The following PLEKHG1 variants were observed in gnomAD, a reference collection of about 807,000 sequenced individuals.
The protein encoded by PLEKHG1 is pleckstrin homology domain-containing family G member 1.
In PLEKHG1, 44 loss-of-function variants were observed where a neutral mutation model predicts 100.8. That is an observed-to-expected ratio of 0.44 (90% CI 0.34 to 0.56). The LOEUF (loss-of-function observed/expected upper bound fraction) is 0.56, where lower values mean the gene tolerates loss of function less well. Among genes scored for constraint, PLEKHG1 ranks in the 20% least tolerant of loss-of-function variants. The pLI is 0.01. For synonymous variants in PLEKHG1, 640 were observed against 662.5 expected (o/e 0.97, Z 0.52); for missense variants, 1,545 against 1,720.9 (o/e 0.90, Z 1.81).
chr6:150,808,890 C>G (rs1334545146), intron 7 of PLEKHG1, among the ~76,000 whole-genome samples: 2 of 152,210 alleles, frequency 1.3e-5, no homozygotes, highest in Non-Finnish European at 1.5e-5. Flanking sequence ...TAATTAGCAG[C>G]TTGTCAGCTA....
At chr6:150,824,028 C>A (rs1241493106) in intron 14 of PLEKHG1, among the ~76,000 whole-genome samples, 1 of 152,198 alleles carries the variant, frequency 6.6e-6, no homozygotes, top group Non-Finnish European at 1.5e-5. Flanking sequence ...CAGTGTAAGA[C>A]CAATGCCCCT....
intron 3 of PLEKHG1, among the ~76,000 whole-genome samples, chr6:150,685,416 C>T (rs1780086400): frequency 6.6e-6 from 1 of 152,254 alleles, no homozygotes; most frequent in Admixed American, 6.5e-5. Context: ...AGGAGCTTCC[C>T]GTGGAAAAGA....
At chr6:150,803,700 C>G (rs1263491464) in intron 6 of PLEKHG1, among the ~76,000 whole-genome samples, 1 of 152,154 alleles carries the variant, frequency 6.6e-6, no homozygotes, top group African/African-American at 2.4e-5. Flanking sequence ...TTCATTTGGC[C>G]TTTAAAACCT....
rs531562020 is a variant in PLEKHG1, at chr6:150,684,178, G to A, written c.-99+33392G>A. On this transcript the variant is annotated intron_variant, in intron 3 of 3. Coordinates refer to the PLEKHG1 transcript ENST00000367326. Reference sequence around the variant, plus strand: ...CAGGCTGACAATGTAAGCAAATGTGGAAAGCGTTAGAAAATGCAGGCTCCC... The same window carrying A: ...CAGGCTGACAATGTAAGCAAATGTGAAAAGCGTTAGAAAATGCAGGCTCCC... 1.2e-4 allele frequency among the ~76,000 whole-genome samples: 19 copies of A among 152,304 alleles called. No individual in the cohort carries two copies. In the South Asian group the frequency reaches 3.3e-3, roughly 27 times the overall value.
chr6:150,650,557 G>A (rs956511552), intron 2 of PLEKHG1, among the ~76,000 whole-genome samples, 171 bp from the exon 2 acceptor site: 2 of 152,314 alleles, frequency 1.3e-5, no homozygotes, highest in Middle Eastern at 3.4e-3. Flanking sequence ...GCCTATTACA[G>A]TCCAGTAGCA....
chr6:150,840,293 C>T, exon 16 of PLEKHG1: 1 of 1,614,164 alleles, frequency 6.2e-7, no homozygotes, highest in Non-Finnish European at 8.5e-7. Context: ...AGTCATCTTC[C>T]TCCGTCTTGA....
chr6:150,795,851 T>G lies in PLEKHG1; in HGVS notation c.583-5T>G. The G allele has an allele frequency of 6.3e-7, 1 of 1,589,276 alleles. No homozygotes were observed. Among genetic ancestry groups the G allele is most frequent in the Non-Finnish European group, 8.6e-7 (1 of 1,158,358 alleles). ...CCTATAAAAATTTCTTTTGTTTCCT[T>G]GCAGAGTGAAGAGTTCCACATTTAT... is the stretch of plus-strand genomic sequence containing the variant. On this transcript the variant is annotated splice_region_variant and splice_polypyrimidine_tract_variant and intron_variant, in intron 4 of 15. Transcript: ENST00000358517.
chr6:150,655,602 G>A (rs545226418), intron 3 of PLEKHG1, among the ~76,000 whole-genome samples: 1 of 151,780 alleles, frequency 6.6e-6, no homozygotes, highest in Admixed American at 6.6e-5. Flanking sequence ...CAGCTACTCG[G>A]GAGGCTGAGG....
intron 1 of PLEKHG1, among the ~76,000 whole-genome samples, chr6:150,725,766 T>C (rs75577875): frequency 1.0e-4 from 14 of 139,978 alleles, no homozygotes; most frequent in East Asian, 4.6e-4. Context: ...GTTTTTTTTT[T>C]CTTTTTTTTT....
intron 1 of PLEKHG1, among the ~76,000 whole-genome samples, chr6:150,722,990 A>T (rs1435907004): frequency 6.6e-6 from 1 of 151,852 alleles, no homozygotes; most frequent in East Asian, 1.9e-4. Context: ...CCTTTGAAAA[A>T]CTCGGTGATA....
intron 3 of PLEKHG1, among the ~76,000 whole-genome samples, chr6:150,676,855 G>T (rs902095961): frequency 4.6e-5 from 7 of 152,270 alleles, no homozygotes; most frequent in East Asian, 1.9e-4. Flanking sequence ...TACCCTGGGA[G>T]TGAATGGCAA....
In PLEKHG1 at chr6:150,831,203, G is replaced by A. The variant is rs1562562395; in HGVS notation, c.2092G>A (p.Glu698Lys). ...CTCCGTTCGCCCCAAGAGCACCCCA[G>A]AGTTAGCCTTCACAAAGAGGCAAGC... Residue 698 changes from glutamate (E) to lysine (K), a missense_variant, in exon 15 of 16, where the codon GAG (glutamate) becomes AAG (lysine). Glu to Lys is a moderately conservative substitution (Grantham distance 56). Coordinates refer to ENST00000358517, the Ensembl canonical transcript of PLEKHG1. This position sits in a 1 kb window ranked among gnomAD's most constrained non-coding sequence, Gnocchi z 4.1. 6.2e-7 allele frequency: 1 copy of A among 1,614,120 alleles called. No individual in the cohort carries two copies. Among genetic ancestry groups the A allele is most frequent in the African/African-American group, 1.3e-5 (1 of 75,056 alleles).
chr6:150,825,919 C>T lies in PLEKHG1; in HGVS notation c.1470+2243C>T, dbSNP rs143698041. On this transcript the variant is annotated intron_variant, in intron 14 of 15. Transcript: ENST00000358517. ...ATCGGCCTGGCATGGTGGCTCACGC[C>T]TGTAATCCCAGAACTTTGGGAGGCT... Among the ~76,000 whole-genome samples the T allele has an allele frequency of 1.1e-3, 161 of 152,326 alleles. 5 individuals are homozygous for T. In the East Asian group the frequency reaches 0.025, roughly 24 times the overall value.
intron 3 of PLEKHG1, among the ~76,000 whole-genome samples, chr6:150,678,896 A>G (rs1444407350): frequency 3.3e-5 from 5 of 152,246 alleles, no homozygotes; most frequent in African/African-American, 1.2e-4. Flanking sequence ...TTATCATATT[A>G]GGTTATCACT....
intron 3 of PLEKHG1, among the ~76,000 whole-genome samples, chr6:150,769,584 C>CAAAAAAAAAAAAAAAAAA (rs5880898): frequency 7.8e-5 from 5 of 64,292 alleles, no homozygotes; most frequent in African/African-American, 2.6e-4. Context: ...GACTCCATCT[C>CAAAAAAAAAAAAAAAAAA]AAAAAAAAAA....
At chr6:150,839,080 A>G (rs942356769) in intron 15 of PLEKHG1, among the ~76,000 whole-genome samples, 2 of 152,116 alleles carry the variant, frequency 1.3e-5, no homozygotes, top group South Asian at 4.2e-4. Flanking sequence ...AGGGGTAGCC[A>G]TTGCATTGTG....
chr6:150,714,105 C>T (rs1781336334), intron 3 of PLEKHG1, among the ~76,000 whole-genome samples: 1 of 152,186 alleles, frequency 6.6e-6, no homozygotes, highest in Non-Finnish European at 1.5e-5. Context: ...TGTGTGTTAT[C>T]TCCTGGAGAA....
intron 7 of PLEKHG1, 138 bp downstream of exon 8, chr6:150,804,879 G>A (rs1284804403): frequency 4.4e-6 from 3 of 688,386 alleles, no homozygotes; most frequent in Non-Finnish European, 7.2e-6. Flanking sequence ...AAAAGTTCAG[G>A]ACATCAGTAA....
chr6:150,692,737 G>A (rs758170413), intron 3 of PLEKHG1, among the ~76,000 whole-genome samples: 1 of 152,194 alleles, frequency 6.6e-6, no homozygotes, highest in Non-Finnish European at 1.5e-5. Flanking sequence ...TGAAATTTAG[G>A]CCAAGAGAAA....
Sources: allele counts gnomAD v4.1 joint callset (sites outside exome capture counted in the v4.1 genomes callset), GRCh38; gene constraint gnomAD v4.1.1; non-coding constraint Gnocchi (gnomAD v3.1); transcripts MANE v1.5; gene names NCBI Gene and HGNC (gene_info 2026-07-23, HGNC 2026-07-21).